Variants in GOSR2 observed in about 807,000 individuals in gnomAD.
GOSR2 encodes golgi SNAP receptor complex member 2, also known as 27 kDa Golgi SNARE protein.
Under a neutral mutation model 27.9 loss-of-function variants are expected in GOSR2, and 20 were observed. The ratio of observed to expected loss-of-function variants is 0.72; its 90% CI spans 0.50 to 1.04. The LOEUF (loss-of-function observed/expected upper bound fraction) is 1.04, where lower values mean the gene tolerates loss of function less well. Among genes scored for constraint, GOSR2 ranks in the 50% least tolerant of loss-of-function variants. The pLI is 0.00. For missense variants in GOSR2, 261 were observed against 270.5 expected (o/e 0.97, Z 0.25); for synonymous variants, 91 against 98.8 (o/e 0.92, Z 0.47).
intron 6 of GOSR2, chr17:46,963,683 G>A (rs2091192062): frequency 6.6e-6 from 1 of 152,224 alleles, no homozygotes; most frequent in African/African-American, 2.4e-5. Context: ...CTCACTGCCT[G>A]TCTTTTCTTC....
chr17:46,932,488 A>G (rs1481613652), intron 4 of GOSR2: 4 of 593,786 alleles, frequency 6.7e-6, no homozygotes, highest in Non-Finnish European at 9.0e-6. Flanking sequence ...GGAAGTTCAC[A>G]TGGTGGAAAC....
chr17:46,940,925 A>AGTGTGACTGGTC lies in GOSR2; in HGVS notation c.*2165_*2166insGTGTGACTGGTC. On this transcript the variant is annotated 3_prime_UTR_variant, in exon 6 of 6. Coordinates refer to ENST00000640051, the MANE Select transcript of GOSR2 (RefSeq NM_004287.5). ...ATCTGCTTTCAGTGCCTGGTGAAAAATAGACCTTGGCCTAACAGTGTGACT... is the reference window on the plus strand; with the variant it reads ...ATCTGCTTTCAGTGCCTGGTGAAAAAGTGTGACTGGTCTAGACCTTGGCCTAACAGTGTGACT... 1 of 1,311,642 alleles carries AGTGTGACTGGTC rather than the reference A, an allele frequency of 7.6e-7. No homozygotes were observed. Among genetic ancestry groups the AGTGTGACTGGTC allele is most frequent in the South Asian group, 1.5e-5 (1 of 65,104 alleles). 81.3% of individuals were successfully genotyped at this position (1,311,642 alleles called of 1,614,324 possible).
chr17:46,931,688 A>G (rs957258996), intron 3 of GOSR2: 1 of 321,208 alleles, frequency 3.1e-6, no homozygotes, highest in East Asian at 7.6e-5. Context: ...CAAAAGTTTT[A>G]TGAAACTTTG....
In GOSR2 at chr17:46,941,162, T is replaced by G. The variant is rs2089226181; in HGVS notation, c.*2402T>G. On this transcript the variant is annotated 3_prime_UTR_variant, in exon 6 of 6. Transcript: ENST00000640051. ...ATCTCTTTATTACATGGACATTTAC[T>G]TCAGGGGGACCACTGTAAGAAAAGC... is the stretch of plus-strand genomic sequence containing the variant. 3 of 1,006,832 alleles carry G rather than the reference T, an allele frequency of 3.0e-6. No individual in the cohort carries two copies. The highest frequency in any genetic ancestry group is 3.6e-6 in the Non-Finnish European group (3 of 841,146). The allele number at this position is 1,006,832 out of a possible 1,614,324, so 62.4% of individuals were successfully genotyped here.
chr17:46,943,820 T>C (rs1192835771), downstream of GOSR2, among the ~76,000 whole-genome samples: 1 of 152,234 alleles, frequency 6.6e-6, no homozygotes, highest in East Asian at 1.9e-4. Context: ...TGAGGGAAAC[T>C]GTCACTCAGG....
Position 46,940,140 on chromosome 17 carries a change from G to A in GOSR2, c.*1380G>A, listed in dbSNP as rs2089051286. 2.1e-5 allele frequency: 27 copies of A among 1,285,888 alleles called. No homozygotes were observed. In the South Asian group the frequency reaches 4.9e-4, roughly 23 times the overall value. 79.7% of individuals were successfully genotyped at this position (1,285,888 alleles called of 1,614,324 possible). Reference sequence around the variant, plus strand: ...CACCTCTCTTGTTCCCCTCCCCGCTGCTCTGTAGTCATGTTGGTCCTTTCA... The same window carrying A: ...CACCTCTCTTGTTCCCCTCCCCGCTACTCTGTAGTCATGTTGGTCCTTTCA... On this transcript the variant is annotated 3_prime_UTR_variant, in exon 6 of 6. Coordinates refer to ENST00000640051, the MANE Select transcript of GOSR2 (RefSeq NM_004287.5).
At chr17:46,924,045 C>T (rs1330518069) in intron 1 of GOSR2, among the ~76,000 whole-genome samples, 2 of 152,182 alleles carry the variant, frequency 1.3e-5, no homozygotes, top group South Asian at 2.1e-4. Flanking sequence ...ACATTGAGTA[C>T]ATTCACAACT....
chr17:46,925,377 C>T (rs999065270), intron 1 of GOSR2, among the ~76,000 whole-genome samples: 1 of 152,242 alleles, frequency 6.6e-6, no homozygotes, highest in Non-Finnish European at 1.5e-5. Context: ...CTACTATGTG[C>T]TGTGCACCAT....
At chr17:46,954,827 A>G (rs1170683729) in intron 6 of GOSR2, among the ~76,000 whole-genome samples, 2 of 151,850 alleles carry the variant, frequency 1.3e-5, no homozygotes, top group Non-Finnish European at 1.5e-5. Context: ...GCTGTCTGTT[A>G]TTGGTGTATA....
chr17:46,946,551 T>C (rs557410028), downstream of GOSR2, among the ~76,000 whole-genome samples: 7 of 150,902 alleles, frequency 4.6e-5, no homozygotes, highest in Non-Finnish European at 7.4e-5. Flanking sequence ...TTGCAGCCCT[T>C]AAACAGAAAA....
chr17:46,927,980 C>A (rs1203506023), intron 1 of GOSR2, among the ~76,000 whole-genome samples: 1 of 152,114 alleles, frequency 6.6e-6, no homozygotes, highest in Admixed American at 6.5e-5. Context: ...CTTTCTGTCC[C>A]CGTTACCCTC....
At chr17:46,923,695 A>T in intron 1 of GOSR2, 1 of 670,310 alleles carries the variant, frequency 1.5e-6, no homozygotes. Flanking sequence ...TTTTTATGGT[A>T]CAAAGAAATT....
intron 4 of GOSR2, among the ~76,000 whole-genome samples, chr17:46,934,805 T>G (rs1299772632): frequency 6.6e-6 from 1 of 150,622 alleles, no homozygotes; most frequent in East Asian, 1.9e-4. Flanking sequence ...ACTTGTGGAG[T>G]GGAACTCATT....
intron 6 of GOSR2, among the ~76,000 whole-genome samples, chr17:46,953,293 C>G (rs866118806): frequency 1.3e-5 from 2 of 151,846 alleles, no homozygotes; most frequent in East Asian, 3.9e-4. Flanking sequence ...TGAGAACATG[C>G]AGTGTTTGGT....
In GOSR2 at chr17:46,939,792, C is replaced by A; in HGVS notation, c.*1032C>A. The A allele has an allele frequency of 1.0e-6, 1 of 987,116 alleles. No individual in the cohort carries two copies. The highest frequency in any genetic ancestry group is 1.2e-6 in the Non-Finnish European group (1 of 830,934). 61.1% of individuals were successfully genotyped at this position (987,116 alleles called of 1,614,324 possible). On this transcript the variant is annotated 3_prime_UTR_variant, in exon 6 of 6. Transcript: ENST00000640051. Reference sequence around the variant, plus strand: ...ACAACCTTTTTCCTTCTGTGACCAGCCCCGGATTCAGGCTGTACTAATACC... The same window carrying A: ...ACAACCTTTTTCCTTCTGTGACCAGACCCGGATTCAGGCTGTACTAATACC...
In GOSR2 at chr17:46,938,638, G is replaced by T. The variant is rs1013040572; in HGVS notation, c.517G>T (p.Gly173Cys). ...GATCCTTGACATTGCCAACATGCTG[G>T]GCTTGTCCAACACAGTGATGCGGCT... ...KKILDIANML[G>C]LSNTVMRLIE... The change falls in exon 6 of 6, where the codon GGC becomes TGC. Residue 173 changes from glycine (G) to cysteine (C), a missense_variant. Physicochemically the swap from Gly to Cys is radical, Grantham distance 159. Transcript: ENST00000640051. 1 of 1,613,982 alleles carries T rather than the reference G, an allele frequency of 6.2e-7. No homozygotes were observed. Among genetic ancestry groups the T allele is most frequent in the Non-Finnish European group, 8.5e-7 (1 of 1,180,032 alleles).
intron 6 of GOSR2, among the ~76,000 whole-genome samples, chr17:46,974,987 CTTTTTTTTT>C (rs58438726): frequency 0.55 from 65,868 of 119,658 alleles, 15,922 homozygotes; most frequent in Middle Eastern, 0.64. Flanking sequence ...TTACTATTTT[CTTTTTTTTT>C]TTTTTTTTTT....
chr17:46,944,593 T>C (rs2089666792), downstream of GOSR2, among the ~76,000 whole-genome samples: 1 of 148,204 alleles, frequency 6.7e-6, no homozygotes, highest in South Asian at 2.2e-4. Flanking sequence ...GGCCTGGGCT[T>C]CAGAATTTTT....
chr17:46,964,236 G>A (rs1191745327), intron 6 of GOSR2: 2 of 152,186 alleles, frequency 1.3e-5, no homozygotes, highest in Non-Finnish European at 2.9e-5. Flanking sequence ...AGGAGGTGTG[G>A]CTTCATCAAA....
Sources: gnomAD v4.1 joint callset for allele counts (sites outside exome capture counted in the v4.1 genomes callset) on GRCh38, gnomAD v4.1.1 for gene constraint, MANE v1.5 for transcripts, NCBI Gene and HGNC (gene_info 2026-07-23, HGNC 2026-07-21) for gene names.